Variants in SH3BP4 observed in about 807,000 individuals in gnomAD.
SH3BP4 encodes SH3 domain-binding protein 4.
Under a neutral mutation model 65.5 loss-of-function variants are expected in SH3BP4, and 33 were observed. That is an observed-to-expected ratio of 0.50 (90% CI 0.38 to 0.67). The LOEUF is 0.67. Ranked by LOEUF, SH3BP4 falls within the 30% of genes least tolerant of loss-of-function variation. The pLI is 0.00. For missense variants in SH3BP4, 1,134 were observed against 1,261.4 expected, an observed-to-expected ratio of 0.90 and a Z score of 1.53; for synonymous variants, 552 against 545.5, an observed-to-expected ratio of 1.01 and a Z score of -0.17.
chr2:234,959,597 T>C (rs1445208751), intron 1 of SH3BP4, among the ~76,000 whole-genome samples: 2 of 151,994 alleles, frequency 1.3e-5, no homozygotes, highest in Admixed American at 1.3e-4. Context: ...TTCAGGTAGG[T>C]TTACCTTGCC....
At chr2:234,966,640 C>T (rs781176410) in intron 1 of SH3BP4, among the ~76,000 whole-genome samples, 4 of 152,198 alleles carry the variant, frequency 2.6e-5, no homozygotes, top group Non-Finnish European at 4.4e-5. Context: ...ATTGGAGACA[C>T]AAGGCACCGG....
chr2:234,982,192 G>A (rs1693408530), intron 1 of SH3BP4, among the ~76,000 whole-genome samples: 1 of 152,184 alleles, frequency 6.6e-6, no homozygotes, highest in African/African-American at 2.4e-5. Flanking sequence ...ACACTTTGAA[G>A]CCCGCTCTGT....
Position 235,045,221 on chromosome 2 carries a change from G to T in SH3BP4, c.2478+1974G>T, listed in dbSNP as rs775706110. ...GCCCCGAGACCACAGCCGTGGCTGT[G>T]CATGCTGTCGTGGAACCTGACAGCA... On this transcript the variant is annotated intron_variant, in intron 4 of 5. Transcript: ENST00000392011. The surrounding 1 kb of genome is among the most constrained non-coding windows in gnomAD (Gnocchi z 4.3). Among the ~76,000 whole-genome samples the T allele has an allele frequency of 6.6e-6, 1 of 152,148 alleles. No individual in the cohort carries two copies. The highest frequency in any genetic ancestry group is 1.5e-5 in the Non-Finnish European group (1 of 68,028).
chr2:234,985,462 T>C (rs1693519743), intron 1 of SH3BP4, among the ~76,000 whole-genome samples: 1 of 152,190 alleles, frequency 6.6e-6, no homozygotes, highest in Non-Finnish European at 1.5e-5. Flanking sequence ...ACAAGCATTT[T>C]TGACCCTCTG....
chr2:235,052,682 G>T lies in SH3BP4; in HGVS notation c.2599G>T (p.Val867Phe), dbSNP rs377330540. Residue 867 changes from valine to phenylalanine, a missense_variant, in exon 5 of 6, where the codon GTC becomes TTC. Transcript: ENST00000392011. This position sits in a 1 kb window ranked among gnomAD's most constrained non-coding sequence, Gnocchi z 5.0. Reference protein sequence around the residue: ...WRELAEKLAKVSKQQMDAYES... With the variant: ...WRELAEKLAKFSKQQMDAYES... ...GGAGCTGGCTGAGAAGCTGGCCAAG[G>T]TCTCCAAGCAGCAGATGGACGCCTA... The T allele has an allele frequency of 1.6e-5, 26 of 1,603,180 alleles. No homozygotes were observed. The highest frequency in any genetic ancestry group is 2.2e-5 in the Non-Finnish European group (26 of 1,175,370).
At chr2:234,996,371 C>A (rs1393269414) in intron 2 of SH3BP4, among the ~76,000 whole-genome samples, 1 of 152,168 alleles carries the variant, frequency 6.6e-6, no homozygotes, top group African/African-American at 2.4e-5. Flanking sequence ...AACTTCTCCC[C>A]CCACCCTTTC....
intron 1 of SH3BP4, among the ~76,000 whole-genome samples, chr2:234,957,691 C>T (rs1692619003): frequency 6.6e-6 from 1 of 151,908 alleles, no homozygotes; most frequent in South Asian, 2.1e-4. Context: ...TGGGTCCAGA[C>T]CTCTGTAGAT....
At chr2:235,038,366 A>AGT (rs1248934629) in intron 3 of SH3BP4, among the ~76,000 whole-genome samples, 4 of 39,680 alleles carry the variant, frequency 1.0e-4, no homozygotes, top group Admixed American at 3.9e-4. Flanking sequence ...ATATATATAT[A>AGT]ATATATATAC....
Position 235,025,748 on chromosome 2 carries a change from G to A in SH3BP4, c.-132-9123G>A, listed in dbSNP as rs144864892. Among the ~76,000 whole-genome samples the A allele has an allele frequency of 3.4e-3, 519 of 152,350 alleles. 3 individuals are homozygous for A. Among genetic ancestry groups the A allele is most frequent in the Non-Finnish European group, 4.1e-3 (279 of 68,040 alleles). On this transcript the variant is annotated intron_variant, in intron 2 of 5. Transcript: ENST00000392011. ...GCAGTAAATGCCTAGAGATGATGAC[G>A]GGTGTCCAGGAGAGCTAGGAAAAGA...
At chr2:235,022,890 C>G (rs1694886831) in intron 2 of SH3BP4, among the ~76,000 whole-genome samples, 1 of 152,268 alleles carries the variant, frequency 6.6e-6, no homozygotes, top group South Asian at 2.1e-4. Context: ...GGTGGTGCTC[C>G]CTCTGCAGAG....
At chr2:235,001,670 C>T (rs1419911638) in intron 2 of SH3BP4, among the ~76,000 whole-genome samples, 1 of 152,092 alleles carries the variant, frequency 6.6e-6, no homozygotes, top group East Asian at 1.9e-4. Flanking sequence ...AGGTGCTCCC[C>T]TAGATAGGTT....
rs149372810 is a variant in SH3BP4 at position 234,968,981 on chromosome 2, T to C, written c.-207+16811T>C. 9.1e-4 allele frequency among the ~76,000 whole-genome samples: 138 copies of C among 152,360 alleles called. 3 individuals are homozygous for C. In the East Asian group the frequency reaches 0.024, roughly 27 times the overall value. On this transcript the variant is annotated intron_variant, in intron 1 of 5. Coordinates refer to ENST00000392011, the MANE Select transcript of SH3BP4 (RefSeq NM_014521.3). Reference sequence around the variant, plus strand: ...TGATCACTGCCCTCTTCTTTGAAGATGCTGTCTTCTAGAGCTCTTTCTTCC... The same window carrying C: ...TGATCACTGCCCTCTTCTTTGAAGACGCTGTCTTCTAGAGCTCTTTCTTCC...
intron 1 of SH3BP4, among the ~76,000 whole-genome samples, chr2:234,982,973 G>C (rs1030625004): frequency 7.9e-5 from 12 of 152,164 alleles, no homozygotes; most frequent in Non-Finnish European, 5.9e-5. Flanking sequence ...TGAGACCAGC[G>C]GGGAGGTGGT....
intron 2 of SH3BP4, among the ~76,000 whole-genome samples, chr2:235,006,491 G>A (rs917654417): frequency 5.3e-5 from 8 of 151,350 alleles, no homozygotes; most frequent in African/African-American, 1.9e-4. Flanking sequence ...TGAAGGTCCC[G>A]ATGGTGCTGG....
chr2:235,038,256 T>A (rs1474566156), intron 3 of SH3BP4, among the ~76,000 whole-genome samples: 1 of 38,748 alleles, frequency 2.6e-5, no homozygotes, highest in Non-Finnish European at 3.8e-5. Context: ...ATATTATATA[T>A]AATATATATT....
In SH3BP4 at chr2:234,974,301, G is replaced by A. The variant is rs1465697896; in HGVS notation, c.-206-21002G>A. On this transcript the variant is annotated intron_variant, in intron 1 of 5. Coordinates refer to ENST00000392011, the MANE Select transcript of SH3BP4 (RefSeq NM_014521.3). The surrounding 1 kb of genome is among the most constrained non-coding windows in gnomAD (Gnocchi z 4.6). Reference sequence around the variant, plus strand: ...AATCACTTGAACCCGGGAGGCTGGGGTTGCAGTGAGCCAAGATCGCACTAT... The same window carrying A: ...AATCACTTGAACCCGGGAGGCTGGGATTGCAGTGAGCCAAGATCGCACTAT... 6.6e-6 allele frequency among the ~76,000 whole-genome samples: 1 copy of A among 152,068 alleles called. No individual in the cohort carries two copies. The highest frequency in any genetic ancestry group is 2.4e-5 in the African/African-American group (1 of 41,404).
At chr2:234,956,195 G>C (rs1186981667) in intron 1 of SH3BP4, among the ~76,000 whole-genome samples, 1 of 152,206 alleles carries the variant, frequency 6.6e-6, no homozygotes, top group Admixed American at 6.5e-5. Flanking sequence ...GGCGAAGCAA[G>C]GTTTATTTGG....
intron 2 of SH3BP4, among the ~76,000 whole-genome samples, chr2:235,022,156 C>T (rs1378157133): frequency 6.6e-6 from 1 of 152,138 alleles, no homozygotes; most frequent in Non-Finnish European, 1.5e-5. Flanking sequence ...TTAGTGCAAG[C>T]AAGCACAGAG....
In SH3BP4 at chr2:235,034,415, T is replaced by TCCCGGGGCCGAGTC. The variant is rs1290949395; in HGVS notation, c.-132-455_-132-442dup. Among the ~76,000 whole-genome samples the TCCCGGGGCCGAGTC allele has an allele frequency of 6.6e-6, 1 of 152,078 alleles. No homozygotes were observed. Among genetic ancestry groups the TCCCGGGGCCGAGTC allele is most frequent in the Non-Finnish European group, 1.5e-5 (1 of 67,990 alleles). ...TGGGCTGTGTTCATTGATGGCTGCT[T>TCCCGGGGCCGAGTC]CCCGGGGCCGAGTCACCATGATGAC... On this transcript the variant is annotated intron_variant, in intron 2 of 5. Transcript: ENST00000392011. The surrounding 1 kb of genome is among the most constrained non-coding windows in gnomAD (Gnocchi z 6.2).
Sources: gnomAD v4.1 joint callset for allele counts (sites outside exome capture counted in the v4.1 genomes callset) on GRCh38, gnomAD v4.1.1 for gene constraint, Gnocchi (gnomAD v3.1) non-coding constraint, MANE v1.5 for transcripts, NCBI Gene and HGNC (gene_info 2026-07-23, HGNC 2026-07-21) for gene names.